STAG3: variants seen among roughly 807,000 people sequenced by gnomAD.
The protein encoded by STAG3 is STAG3 cohesin complex component.
Under a neutral mutation model 160.7 loss-of-function variants are expected in STAG3, and 101 were observed. That is an observed-to-expected ratio of 0.63 (90% CI 0.54 to 0.74). The LOEUF is 0.74. STAG3 is among the 30% of genes least tolerant of loss of function. The pLI is 0.00. For synonymous variants in STAG3, 519 were observed against 585.0 expected, an observed-to-expected ratio of 0.89 and a Z score of 1.63; for missense variants, 1,188 against 1,517.4, an observed-to-expected ratio of 0.78 and a Z score of 3.61.
Position 100,209,407 on chromosome 7 carries a change from G to T in STAG3, c.3239-1604G>T, listed in dbSNP as rs115654718. On this transcript the variant is annotated intron_variant, in intron 29 of 33. Transcript: ENST00000615138. Reference sequence around the variant, plus strand: ...ATGTTCCTGGAATGTTCAAGGAACAGCAGAGAAGACCATTATGGCCAGAAT... The same window carrying T: ...ATGTTCCTGGAATGTTCAAGGAACATCAGAGAAGACCATTATGGCCAGAAT... Among the ~76,000 whole-genome samples, 707 of 152,326 alleles carry T rather than the reference G, an allele frequency of 4.6e-3. 6 individuals carry two copies. The highest frequency in any genetic ancestry group is 0.016 in the African/African-American group (668 of 41,576).
chr7:100,204,693 A>T lies in STAG3; in HGVS notation c.2869A>T (p.Met957Leu). ...GLNELPAFIE[M>L]RDLARRFALS... ...GAATGAGCTTCCTGCCTTCATCGAG[A>T]TGAGGGACCTGGCCCGGAGGTTTGC... The change falls in exon 27 of 34, where the codon ATG becomes TTG. Residue 957 changes from methionine to leucine, a missense_variant. Transcript: ENST00000615138. 1 of 1,614,072 alleles carries T rather than the reference A, an allele frequency of 6.2e-7. No individual in the cohort carries two copies. The highest frequency in any genetic ancestry group is 8.5e-7 in the Non-Finnish European group (1 of 1,180,012).
At chr7:100,216,872 C>G (rs1209369016), downstream of STAG3, among the ~76,000 whole-genome samples, 3 of 152,208 alleles carry the variant, frequency 2.0e-5, no homozygotes, top group African/African-American at 7.2e-5. Context: ...TTAGGTGCCT[C>G]TTTGCAGTTA....
In STAG3 at chr7:100,198,477, A is replaced by G; in HGVS notation, c.1247A>G (p.Asn416Ser). 6.2e-7 allele frequency: 1 copy of G among 1,614,234 alleles called. No individual in the cohort carries two copies. The highest frequency in any genetic ancestry group is 8.5e-7 in the Non-Finnish European group (1 of 1,180,038). Residue 416 changes from asparagine (N) to serine (S), a missense_variant and splice_region_variant, in exon 13 of 34, where the codon AAC (asparagine) becomes AGC (serine). Asn to Ser is a conservative substitution (Grantham distance 46). Around this residue, in one of 4 missense-constraint regions of STAG3, gnomAD observed 240 missense variants for 358.1 expected, o/e 0.67. Coordinates refer to ENST00000615138, the MANE Select transcript of STAG3 (RefSeq NM_001282717.2). ...AVRLLILILK[N>S]MEGVLTDADC... is the part of the protein sequence containing the mutation. ...TCTTTCTGCTTTTCTGTGGGCAGGA[A>G]CATGGAAGGGGTGCTGACGGACGCG...
chr7:100,200,693 C>T, intron 18 of STAG3, 76 bp from the exon 19 acceptor site: 2 of 1,568,180 alleles, frequency 1.3e-6, no homozygotes, highest in South Asian at 1.1e-5. Flanking sequence ...ATGCTTTTAA[C>T]CCCGTTCCAC....
rs545846312 is a variant in STAG3 at position 100,189,688 on chromosome 7, C to A, written c.867+92C>A. The A allele has an allele frequency of 2.5e-5, 35 of 1,428,518 alleles. No individual in the cohort carries two copies. The African/African-American group carries it at 4.9e-4, about 20-fold the overall frequency. The allele number at this position is 1,428,518 out of a possible 1,614,324, so 88.5% of individuals were successfully genotyped here. A position where few individuals can be genotyped will look rare whatever the true frequency, so the allele number is the denominator to read the frequency against. On this transcript the variant is annotated intron_variant, in intron 8 of 33. Transcript: ENST00000615138. The stretch of plus-strand genomic sequence containing the variant: ...CCTTATCAGGCCCTGGGCAGTCTTT[C>A]AAGATCATGAATAATGGAGTCTGGC...
chr7:100,189,527 T>C lies in STAG3; in HGVS notation c.798T>C (p.Ala266=), dbSNP rs1800226026. The part of the protein sequence containing the change: ...HQDNNQRQYE[A]ERNKGPGQRA... ...ATAACAATCAGCGTCAGTATGAGGC[T>C]GAAAGAAACAAGGGGCCAGGGCAGA... Residue 266 remains alanine (A), a synonymous_variant, in exon 8 of 34, where the codon GCT becomes GCC. Coordinates refer to ENST00000615138, the MANE Select transcript of STAG3 (RefSeq NM_001282717.2). The C allele has an allele frequency of 1.2e-6, 2 of 1,614,154 alleles. No homozygotes were observed. Among genetic ancestry groups the C allele is most frequent in the Non-Finnish European group, 1.7e-6 (2 of 1,180,016 alleles).
At chr7:100,200,187 A>C in intron 16 of STAG3, 49 bp from the exon 17 acceptor site, 2 of 1,437,268 alleles carry the variant, frequency 1.4e-6, no homozygotes, top group Non-Finnish European at 1.9e-6. Flanking sequence ...CACCCCCTGC[A>C]CCAGTGTTTC....
intron 18 of STAG3, 41 bp from the exon 19 acceptor site, chr7:100,200,728 C>T: frequency 6.2e-7 from 1 of 1,603,272 alleles, no homozygotes; most frequent in Non-Finnish European, 8.5e-7. Flanking sequence ...GTGTCCTCCT[C>T]CCATCCCCAC....
At chr7:100,213,840 TC>T in intron 33 of STAG3, 34 bp downstream of exon 33, 1 of 1,614,136 alleles carries the variant, frequency 6.2e-7, no homozygotes, top group Non-Finnish European at 8.5e-7. Flanking sequence ...TATGTATCCT[TC>T]GGAAATGCTG....
chr7:100,178,069 C>T (rs1759669323), intron 1 of STAG3, 64 bp downstream of exon 1: 1 of 149,946 alleles, frequency 6.7e-6, no homozygotes, highest in Non-Finnish European at 1.5e-5. Context: ...ACAGGTTTCT[C>T]CTTGACCCAA....
intron 29 of STAG3, among the ~76,000 whole-genome samples, chr7:100,210,808 T>G (rs748341081): frequency 6.6e-6 from 1 of 152,252 alleles, no homozygotes; most frequent in Non-Finnish European, 1.5e-5. Flanking sequence ...GCTACAATTC[T>G]CTAAGCCTTA....
chr7:100,194,111 C>G (rs1161167732), intron 8 of STAG3, among the ~76,000 whole-genome samples: 1 of 151,984 alleles, frequency 6.6e-6, no homozygotes, highest in African/African-American at 2.4e-5. Flanking sequence ...CCGCACCCAG[C>G]TAATTTTCTG....
Position 100,197,856 on chromosome 7 carries a change from C to T in STAG3, c.1144C>T (p.Leu382Phe), listed in dbSNP as rs768419397. ...CCGGGACCTGACCACACGCCTGGAG[C>T]TCTTCACCAGCCGCTTCAAGGTAAA... Reference protein sequence around the residue: ...GNRDLTTRLELFTSRFKDRMV... With the variant: ...GNRDLTTRLEFFTSRFKDRMV... The change falls in exon 11 of 34, where the codon CTC (leucine) becomes TTC (phenylalanine). Residue 382 changes from leucine to phenylalanine, a missense_variant. By Grantham distance (22) the Leu-to-Phe change is conservative (BLOSUM62 0). Coordinates refer to ENST00000615138, the MANE Select transcript of STAG3 (RefSeq NM_001282717.2). The T allele has an allele frequency of 1.9e-6, 3 of 1,613,804 alleles. No individual in the cohort carries two copies. The highest frequency in any genetic ancestry group is 2.5e-6 in the Non-Finnish European group (3 of 1,179,976).
Position 100,205,092 on chromosome 7 carries a change from A to G in STAG3, c.3039A>G (p.Ser1013=). The G allele has an allele frequency of 6.2e-7, 1 of 1,614,138 alleles. No individual in the cohort carries two copies. ...ATCTGGCATTCCTGGAGCTCCTTTC[A>G]GAGTTTTCCCCCCGACTCTTCCATC... ...PPNLAFLELL[S]EFSPRLFHQD... is the part of the protein sequence containing the mutation. The change falls in exon 28 of 34, where the codon TCA becomes TCG. Residue 1013 remains serine (S), a synonymous_variant. Coordinates refer to ENST00000615138, the MANE Select transcript of STAG3 (RefSeq NM_001282717.2).
At chr7:100,183,686 C>T (rs1158328341) in intron 4 of STAG3, among the ~76,000 whole-genome samples, 1 of 152,090 alleles carries the variant, frequency 6.6e-6, no homozygotes, top group African/African-American at 2.4e-5. Context: ...TCCTTATTAC[C>T]CACAGGTAAA....
Position 100,207,864 on chromosome 7 carries a change from C to T in STAG3, c.3238+2480C>T, listed in dbSNP as rs1801798061. On this transcript the variant is annotated intron_variant, in intron 29 of 33. Transcript: ENST00000615138. This position sits in a 1 kb window ranked among gnomAD's most constrained non-coding sequence, Gnocchi z 4.0. ...GGGCATGGTGGCTCACGCCTGTAATCCCAGCACTTTGGGAGGCCGAGGCGG... is the reference window on the plus strand; with the variant it reads ...GGGCATGGTGGCTCACGCCTGTAATTCCAGCACTTTGGGAGGCCGAGGCGG... 6.6e-6 allele frequency among the ~76,000 whole-genome samples: 1 copy of T among 152,172 alleles called. No homozygotes were observed. Among genetic ancestry groups the T allele is most frequent in the African/African-American group, 2.4e-5 (1 of 41,432 alleles).
At position 100,197,819 on chromosome 7, in the gene STAG3, G is replaced by T; in HGVS notation, c.1107G>T (p.Gly369=). ...VRLKCVKALK[G]LYGNRDLTTR... ...TGAAGTGTGTGAAGGCCCTGAAAGG[G>T]CTGTACGGTAACCGGGACCTGACCA... Residue 369 remains glycine (G), a synonymous_variant, in exon 11 of 34, where the codon GGG becomes GGT. Coordinates refer to ENST00000615138, the MANE Select transcript of STAG3 (RefSeq NM_001282717.2). The T allele has an allele frequency of 1.9e-6, 3 of 1,613,890 alleles. No homozygotes were observed. The highest frequency in any genetic ancestry group is 1.7e-6 in the Non-Finnish European group (2 of 1,179,980).
chr7:100,201,822 A>T lies in STAG3; in HGVS notation c.2257A>T (p.Ile753Phe). Residue 753 changes from isoleucine (I) to phenylalanine (F), a missense_variant, in exon 22 of 34, where the codon ATT becomes TTT. Ile to Phe is a conservative substitution (Grantham distance 21). Transcript: ENST00000615138. Reference sequence around the variant, plus strand: ...AGCCTTGACTCTTGTCTATTTTTCCATTCTCTGGACACTAACCCACATTTC... The same window carrying T: ...AGCCTTGACTCTTGTCTATTTTTCCTTTCTCTGGACACTAACCCACATTTC... ...LPALTLVYFS[I>F]LWTLTHISKS... The T allele has an allele frequency of 6.2e-7, 1 of 1,613,900 alleles. No individual in the cohort carries two copies. Among genetic ancestry groups the T allele is most frequent in the Admixed American group, 1.7e-5 (1 of 60,002 alleles).
intron 25 of STAG3, among the ~76,000 whole-genome samples, chr7:100,203,410 T>C (rs1340321716): frequency 5.3e-5 from 8 of 152,172 alleles, no homozygotes; most frequent in African/African-American, 1.4e-4. Context: ...CTTGATCTCC[T>C]GACCTTGTGA....
Sources: gnomAD v4.1 joint callset for allele counts (sites outside exome capture counted in the v4.1 genomes callset) on GRCh38, gnomAD v4.1.1 for gene constraint, gnomAD v4.1.1 regional missense constraint, Gnocchi (gnomAD v3.1) non-coding constraint, MANE v1.5 for transcripts, NCBI Gene and HGNC (gene_info 2026-07-23, HGNC 2026-07-21) for gene names.